Variants in RIN2 observed in about 807,000 individuals in gnomAD.
RIN2 encodes RAB5 interacting protein 2.
RIN2 carries 36 observed loss-of-function variants against 78.0 expected under a neutral mutation model. The observed-to-expected ratio is 0.46, with a 90% CI of 0.35 to 0.61. The LOEUF is 0.61. Ranked by LOEUF, RIN2 falls within the 20% of genes least tolerant of loss-of-function variation. The pLI, the probability that RIN2 is intolerant of heterozygous loss-of-function variation, is 0.00. For missense variants in RIN2, 1,087 were observed against 1,159.7 expected (o/e 0.94, Z 0.91); for synonymous variants, 466 against 466.8 (o/e 1.00, Z 0.02).
At position 19,935,151 on chromosome 20, in the gene RIN2, G is replaced by A. The variant is rs368353769; in HGVS notation, c.110G>A (p.Arg37Gln). The A allele has an allele frequency of 5.2e-5, 83 of 1,604,648 alleles. No homozygotes were observed. Among genetic ancestry groups the A allele is most frequent in the Middle Eastern group, 4.9e-4 (3 of 6,070 alleles). The change falls in exon 4 of 13, where the codon CGG becomes CAG. Residue 37 changes from arginine (R) to glutamine (Q), a missense_variant. Arg to Gln is a conservative substitution (Grantham distance 43). Coordinates refer to ENST00000255006, the MANE Select transcript of RIN2 (RefSeq NM_018993.4). The stretch of plus-strand genomic sequence containing the variant: ...GGAGAACTGAAACAGGAGATGGTGC[G>A]GACAGATGTCAACCTGGAAAATGGC... Reference protein sequence around the residue: ...EIGELKQEMVRTDVNLENGLE... With the variant: ...EIGELKQEMVQTDVNLENGLE...
chr20:19,887,777 G>A (rs539182206), intron 2 of RIN2, among the ~76,000 whole-genome samples: 1 of 152,298 alleles, frequency 6.6e-6, no homozygotes, highest in African/African-American at 2.4e-5. Context: ...CTTGGCTCTC[G>A]TTTAGCAATT....
chr20:19,930,101 G>C (rs1031188701), intron 3 of RIN2, among the ~76,000 whole-genome samples: 2 of 152,026 alleles, frequency 1.3e-5, no homozygotes, highest in Non-Finnish European at 2.9e-5. Flanking sequence ...CTGGGGCTGG[G>C]GGGGATGCGA....
intron 9 of RIN2, among the ~76,000 whole-genome samples, chr20:19,984,560 A>G (rs1345029844): frequency 6.6e-6 from 1 of 152,214 alleles, no homozygotes; most frequent in Non-Finnish European, 1.5e-5. Context: ...TGAGGTCAGG[A>G]GTTCAAGACC....
Position 19,965,015 on chromosome 20 carries a change from G to T in RIN2, c.527G>T (p.Cys176Phe). The change falls in exon 7 of 13, where the codon TGC becomes TTC. Residue 176 changes from cysteine (C) to phenylalanine (F), a missense_variant. Transcript: ENST00000255006. ...ADLFRLIAFY[C>F]ISRDVLPFTL... Reference sequence around the variant, plus strand: ...TTATTCCGGCTCATTGCTTTCTACTGCATCAGCAGGTAAGGCCTCTTCCTC... The same window carrying T: ...TTATTCCGGCTCATTGCTTTCTACTTCATCAGCAGGTAAGGCCTCTTCCTC... 6.2e-7 allele frequency: 1 copy of T among 1,612,584 alleles called. No homozygotes were observed.
At chr20:19,820,920 C>T (rs1283911290) in intron 2 of RIN2, among the ~76,000 whole-genome samples, 1 of 152,204 alleles carries the variant, frequency 6.6e-6, no homozygotes, top group Non-Finnish European at 1.5e-5. Flanking sequence ...CACCAAGCTA[C>T]CAAGGGTTTC....
chr20:19,776,647 G>A (rs1332459200), intron 1 of RIN2, among the ~76,000 whole-genome samples: 2 of 151,758 alleles, frequency 1.3e-5, no homozygotes. Flanking sequence ...TGGAAGAATT[G>A]CTTGAACCCA....
At chr20:19,818,746 A>G (rs1429041956) in intron 2 of RIN2, among the ~76,000 whole-genome samples, 2 of 140,702 alleles carry the variant, frequency 1.4e-5, no homozygotes, top group Non-Finnish European at 1.5e-5. Context: ...AAAAAAAAGA[A>G]AGAAAGAGAA....
intron 5 of RIN2, among the ~76,000 whole-genome samples, chr20:19,959,112 T>C (rs1308096310): frequency 1.3e-5 from 2 of 152,208 alleles, no homozygotes; most frequent in Admixed American, 6.5e-5. Flanking sequence ...AACTACACTA[T>C]TGTCATGCAA....
chr20:19,823,136 G>C (rs575089210), intron 2 of RIN2, among the ~76,000 whole-genome samples: 4 of 152,184 alleles, frequency 2.6e-5, no homozygotes, highest in African/African-American at 9.7e-5. Context: ...CACGCCTTTA[G>C]TGATTCCCTG....
At chr20:19,884,947 T>A (rs117139132) in intron 2 of RIN2, among the ~76,000 whole-genome samples, 3,244 of 152,244 alleles carry the variant, frequency 0.021, 51 homozygotes, top group Non-Finnish European at 0.028. Context: ...CCTATTTCAG[T>A]CAATTTGGCT....
At chr20:19,928,616 G>T (rs1409239977) in intron 3 of RIN2, among the ~76,000 whole-genome samples, 2 of 152,216 alleles carry the variant, frequency 1.3e-5, no homozygotes, top group Non-Finnish European at 2.9e-5. Flanking sequence ...ACCTCAAAGG[G>T]CTGGGAAAGA....
intron 1 of RIN2, among the ~76,000 whole-genome samples, chr20:19,768,587 C>T (rs1568734661): frequency 6.6e-6 from 1 of 152,174 alleles, no homozygotes; most frequent in Non-Finnish European, 1.5e-5. Context: ...CAGGGCGTGG[C>T]AGCATTTGCC....
intron 9 of RIN2, among the ~76,000 whole-genome samples, chr20:19,981,817 A>G (rs1184140032): frequency 1.5e-4 from 23 of 152,104 alleles, no homozygotes; most frequent in Admixed American, 1.4e-3. Flanking sequence ...CAAAGTGTGC[A>G]TGGCCAACAA....
intron 2 of RIN2, among the ~76,000 whole-genome samples, chr20:19,834,489 C>T (rs145847344): frequency 1.7e-3 from 252 of 152,272 alleles, no homozygotes; most frequent in Non-Finnish European, 2.4e-3. Context: ...TGCAACCTCC[C>T]ACCCAGTGCG....
At chr20:19,979,390 G>A (rs1449445950) in intron 9 of RIN2, among the ~76,000 whole-genome samples, 1 of 152,140 alleles carries the variant, frequency 6.6e-6, no homozygotes, top group African/African-American at 2.4e-5. Context: ...TTTCTCCAAA[G>A]AGCAATTTAA....
chr20:19,922,471 G>A (rs982108686), intron 3 of RIN2, among the ~76,000 whole-genome samples: 1 of 152,030 alleles, frequency 6.6e-6, no homozygotes, highest in Non-Finnish European at 1.5e-5. Context: ...GGGATTTTCA[G>A]ATCTGAAAAA....
rs752455186 is a variant in RIN2 at position 19,886,716 on chromosome 20, C to T, written c.-36-2850C>T. On this transcript the variant is annotated intron_variant, in intron 2 of 12. Coordinates refer to ENST00000255006, the MANE Select transcript of RIN2 (RefSeq NM_018993.4). ...GAATCCACTTTACCCTTCAGGGAAG[C>T]CAGGAAAAGAACAAGCTTCCAACCG... 1.9e-6 allele frequency: 3 copies of T among 1,548,626 alleles called. No individual in the cohort carries two copies. The South Asian group carries it at 3.6e-5, about 18-fold the overall frequency.
At chr20:19,820,068 A>G (rs936011096) in intron 2 of RIN2, among the ~76,000 whole-genome samples, 17 of 152,194 alleles carry the variant, frequency 1.1e-4, no homozygotes, top group Non-Finnish European at 1.5e-4. Context: ...TATGGTTCTC[A>G]TTAAATTTAA....
At chr20:19,995,513 A>G (rs1287764423) in intron 11 of RIN2, among the ~76,000 whole-genome samples, 6 of 152,236 alleles carry the variant, frequency 3.9e-5, no homozygotes, top group Admixed American at 3.3e-4. Flanking sequence ...GCACCTAATT[A>G]TATGTTAGGA....
Sources: allele counts gnomAD v4.1 joint callset (sites outside exome capture counted in the v4.1 genomes callset), GRCh38; gene constraint gnomAD v4.1.1; transcripts MANE v1.5; gene names NCBI Gene and HGNC (gene_info 2026-07-23, HGNC 2026-07-21).